Variants in SATB2 observed in about 807,000 individuals in gnomAD.
The protein encoded by SATB2 is SATB homeobox 2.
In SATB2, 1 loss-of-function variant was observed where a neutral mutation model predicts 73.4. The observed-to-expected ratio is 0.01, with a 90% CI of 0.00 to 0.06. The LOEUF is 0.06. Ranked by LOEUF, SATB2 falls within the 10% of genes least tolerant of loss-of-function variation. The pLI, the probability that SATB2 is intolerant of heterozygous loss-of-function variation, is 1.00. For missense variants in SATB2, 459 were observed against 945.8 expected, an observed-to-expected ratio of 0.49 and a Z score of 6.75; for synonymous variants, 397 against 367.0, an observed-to-expected ratio of 1.08 and a Z score of -0.93.
At chr2:199,377,669 C>T (rs576764088) in intron 5 of SATB2, among the ~76,000 whole-genome samples, 2 of 152,148 alleles carry the variant, frequency 1.3e-5, no homozygotes, top group South Asian at 4.1e-4. Context: ...GATATGGAGT[C>T]CGTACTTCCT....
intron 7 of SATB2, chr2:199,347,848 G>A (rs1574531104): frequency 6.6e-6 from 1 of 152,192 alleles, no homozygotes; most frequent in Non-Finnish European, 1.5e-5. Context: ...ATAAGGGCTA[G>A]GTAAGTTTTT....
At chr2:199,429,483 T>G (rs2345729) in intron 3 of SATB2, among the ~76,000 whole-genome samples, 88,805 of 152,042 alleles carry the variant, frequency 0.58, 29,430 homozygotes, top group Non-Finnish European at 0.74. Flanking sequence ...AATGACTGCA[T>G]GAATGTAATT....
Position 199,301,211 on chromosome 2 carries a change from G to A in SATB2, c.1740+7549C>T, listed in dbSNP as rs548566449. Among the ~76,000 whole-genome samples, 4 of 152,134 alleles carry A rather than the reference G, an allele frequency of 2.6e-5. No individual in the cohort carries two copies. In the East Asian group the frequency reaches 7.7e-4, roughly 29 times the overall value. ...AGGTAGAATACTCTGGACACACATG[G>A]AACTGAAAATCTCCCTTAGGCATTG... is the stretch of plus-strand genomic sequence containing the variant. On this transcript the variant is annotated intron_variant, in intron 10 of 10. Coordinates refer to ENST00000417098, the MANE Select transcript of SATB2 (RefSeq NM_001172509.2).
intron 3 of SATB2, chr2:199,397,801 A>G: frequency 2.4e-6 from 1 of 417,200 alleles, no homozygotes; most frequent in Non-Finnish European, 4.8e-6. Context: ...AGGTGGGAGG[A>G]TCCCTTAAAT....
chr2:199,377,283 G>A (rs979685451), intron 5 of SATB2, among the ~76,000 whole-genome samples: 2 of 152,124 alleles, frequency 1.3e-5, no homozygotes, highest in Non-Finnish European at 2.9e-5. Context: ...GAAGGCTGAC[G>A]CGGGAGAATC....
At position 199,368,721 on chromosome 2, in the gene SATB2, T is replaced by C; in HGVS notation, c.598-14A>G. 1 of 1,454,490 alleles carries C rather than the reference T, an allele frequency of 6.9e-7. No homozygotes were observed. The highest frequency in any genetic ancestry group is 9.6e-7 in the Non-Finnish European group (1 of 1,038,154). The allele number at this position is 1,454,490 out of a possible 1,614,324, so 90.1% of individuals were successfully genotyped here. A position where few individuals can be genotyped will look rare whatever the true frequency, so the allele number is the denominator to read the frequency against. On this transcript the variant is annotated splice_polypyrimidine_tract_variant and intron_variant, in intron 5 of 10. Coordinates refer to ENST00000417098, the MANE Select transcript of SATB2 (RefSeq NM_001172509.2). ...TGAAATCATACTCTGAAAAAAAAAA[T>C]TATAGTTATTTTTTCAAAATATGAC... is the stretch of plus-strand genomic sequence containing the variant.
chr2:199,433,648 T>C, intron 2 of SATB2, 134 bp from the exon 3 acceptor site: 1 of 823,544 alleles, frequency 1.2e-6, no homozygotes, highest in Non-Finnish European at 2.1e-6. Flanking sequence ...ACAAGCCTCT[T>C]AGTCATATAG....
chr2:199,438,841 T>TA (rs1691726457), intron 2 of SATB2, among the ~76,000 whole-genome samples: 1 of 152,168 alleles, frequency 6.6e-6, no homozygotes, highest in Non-Finnish European at 1.5e-5. Context: ...TTTCAGTTAA[T>TA]AAATTAGGAA....
At chr2:199,295,581 C>T (rs1693006379) in intron 10 of SATB2, among the ~76,000 whole-genome samples, 1 of 152,142 alleles carries the variant, frequency 6.6e-6, no homozygotes, top group Non-Finnish European at 1.5e-5. Flanking sequence ...CTCCAGCATA[C>T]TCTGACTCTA....
At chr2:199,383,596 A>G (rs1008983489) in intron 3 of SATB2, among the ~76,000 whole-genome samples, 2 of 152,078 alleles carry the variant, frequency 1.3e-5, no homozygotes, top group African/African-American at 4.8e-5. Flanking sequence ...AATGGGGGGG[A>G]ATGAAGTTGA....
At chr2:199,335,479 C>T (rs1423162058) in intron 7 of SATB2, among the ~76,000 whole-genome samples, 1 of 152,180 alleles carries the variant, frequency 6.6e-6, no homozygotes, top group Non-Finnish European at 1.5e-5. Flanking sequence ...AGTTCTACCT[C>T]ACATTTATGA....
rs190335598 is a variant in SATB2 at position 199,339,213 on chromosome 2, G to A, written c.1173+9488C>T. Among the ~76,000 whole-genome samples, 201 of 152,166 alleles carry A rather than the reference G, an allele frequency of 1.3e-3. 1 individual carries two copies. Among genetic ancestry groups the A allele is most frequent in the East Asian group, 3.1e-3 (16 of 5,162 alleles). ...GTTTTGTGGCTGAGTGCCTGAAAAA[G>A]GTGCCAATTAACAACAGATAGTCTT... On this transcript the variant is annotated intron_variant, in intron 7 of 10. Coordinates refer to ENST00000417098, the MANE Select transcript of SATB2 (RefSeq NM_001172509.2).
At chr2:199,398,660 A>G (rs1471370155) in intron 3 of SATB2, among the ~76,000 whole-genome samples, 1 of 152,174 alleles carries the variant, frequency 6.6e-6, no homozygotes, top group African/African-American at 2.4e-5. Context: ...AGGACATTAA[A>G]TTAGGTAATA....
chr2:199,446,681 A>G (rs531064167), intron 2 of SATB2, among the ~76,000 whole-genome samples: 1 of 152,330 alleles, frequency 6.6e-6, no homozygotes, highest in South Asian at 2.1e-4. Context: ...TAAAACTGAA[A>G]ACCCTTTGCT....
chr2:199,409,990 C>T (rs1434898864), intron 3 of SATB2, among the ~76,000 whole-genome samples: 1 of 89,760 alleles, frequency 1.1e-5, no homozygotes, highest in Non-Finnish European at 3.5e-5. Context: ...CCCACCATCA[C>T]TGACTTTTTT....
intron 6 of SATB2, among the ~76,000 whole-genome samples, chr2:199,359,419 G>C (rs142196807): frequency 6.6e-6 from 1 of 152,256 alleles, no homozygotes; most frequent in Non-Finnish European, 1.5e-5. Context: ...ATAACTAGTA[G>C]AAACATAGAA....
intron 4 of SATB2, among the ~76,000 whole-genome samples, chr2:199,381,079 C>T (rs530756291): frequency 6.6e-6 from 1 of 152,266 alleles, no homozygotes; most frequent in African/African-American, 2.4e-5. Flanking sequence ...AGGCACTTTA[C>T]AATAAAAGAC....
At position 199,366,902 on chromosome 2, in the gene SATB2, GCA is replaced by G. The variant is rs71015897; in HGVS notation, c.700+1701_700+1702del. 2.3e-3 allele frequency among the ~76,000 whole-genome samples: 341 copies of G among 149,764 alleles called. 2 individuals carry two copies. Among genetic ancestry groups the G allele is most frequent in the African/African-American group, 7.6e-3 (307 of 40,648 alleles). On this transcript the variant is annotated intron_variant, in intron 6 of 10. Coordinates refer to ENST00000417098, the MANE Select transcript of SATB2 (RefSeq NM_001172509.2). ...AAGATATGAGTGTTAATGTGCGAAT[GCA>G]CACACACACACACACACAAACACAC...
At chr2:199,433,022 A>G (rs913734337) in intron 3 of SATB2, among the ~76,000 whole-genome samples, 2 of 152,234 alleles carry the variant, frequency 1.3e-5, no homozygotes, top group Non-Finnish European at 2.9e-5. Flanking sequence ...GTCATGTATT[A>G]TAAGTTTGGA....
Sources: gnomAD v4.1 joint callset for allele counts (sites outside exome capture counted in the v4.1 genomes callset) on GRCh38, gnomAD v4.1.1 for gene constraint, MANE v1.5 for transcripts, NCBI Gene and HGNC (gene_info 2026-07-23, HGNC 2026-07-21) for gene names.